Variants in LIPJ observed in about 807,000 individuals in gnomAD.
The protein encoded by LIPJ is lipase member J.
A neutral mutation model predicts 39.8 loss-of-function variants in LIPJ; 33 were observed. That is an observed-to-expected ratio of 0.83 (90% CI 0.63 to 1.11). LIPJ has a LOEUF of 1.11. Ranked by LOEUF, LIPJ falls within the 50% of genes least tolerant of loss-of-function variation. The pLI, the probability that LIPJ is intolerant of heterozygous loss-of-function variation, is 0.00. For missense variants in LIPJ, 422 were observed against 427.9 expected, an observed-to-expected ratio of 0.99 and a Z score of 0.12; for synonymous variants, 128 against 139.2, an observed-to-expected ratio of 0.92 and a Z score of 0.57.
intron 4 of LIPJ, chr10:88,592,785 G>C (rs1293294367): frequency 6.6e-6 from 1 of 151,828 alleles, no homozygotes; most frequent in African/African-American, 2.4e-5. Context: ...GCCATAACTA[G>C]TATTCATAAA....
intron 9 of LIPJ, among the ~76,000 whole-genome samples, chr10:88,603,722 T>A (rs1002931486): frequency 6.6e-6 from 1 of 152,202 alleles, no homozygotes; most frequent in Non-Finnish European, 1.5e-5. Flanking sequence ...GAATGTACAT[T>A]AAAGTTAATA....
the LIPJ span, among the ~76,000 whole-genome samples, chr10:88,619,323 TATAG>T: frequency 6.6e-6 from 1 of 152,090 alleles, no homozygotes; most frequent in African/African-American, 2.4e-5. Flanking sequence ...AGTACATTGG[TATAG>T]ATAGTATCTA....
chr10:88,595,996 C>A (rs59420228), intron 6 of LIPJ, among the ~76,000 whole-genome samples: 3,060 of 151,620 alleles, frequency 0.02, 78 homozygotes, highest in South Asian at 0.085. Flanking sequence ...AATGTTCAAT[C>A]TTGCTCCTAA....
chr10:88,608,751 C>A (rs1234978888), downstream of LIPJ, among the ~76,000 whole-genome samples: 3 of 152,122 alleles, frequency 2.0e-5, no homozygotes, highest in Non-Finnish European at 4.4e-5. Context: ...ACAAATGAGG[C>A]AGGAAAATAG....
the LIPJ span, among the ~76,000 whole-genome samples, chr10:88,613,068 A>T: frequency 6.6e-6 from 1 of 152,156 alleles, no homozygotes; most frequent in Non-Finnish European, 1.5e-5. Context: ...TTCAATATTT[A>T]TGTGGTAATC....
chr10:88,585,628 G>T (rs559354050), upstream of LIPJ: 7 of 151,832 alleles, frequency 4.6e-5, no homozygotes, highest in South Asian at 1.5e-3. Flanking sequence ...CAAGCCATTA[G>T]GTTTTTTTTT....
downstream of LIPJ, among the ~76,000 whole-genome samples, chr10:88,607,592 G>A (rs565358904): frequency 2.2e-4 from 33 of 152,208 alleles, no homozygotes; most frequent in African/African-American, 7.2e-4. Context: ...ATGCACTGTC[G>A]CTTGGTGCAT....
upstream of LIPJ, chr10:88,582,952 C>T: frequency 1.7e-6 from 2 of 1,183,934 alleles, no homozygotes; most frequent in Non-Finnish European, 2.3e-6. Context: ...GCTACACGGC[C>T]GCTCAGGGAG....
upstream of LIPJ, chr10:88,582,971 A>G: frequency 1.5e-6 from 2 of 1,328,408 alleles, no homozygotes; most frequent in South Asian, 1.4e-5. Context: ...AGCTGAGGGT[A>G]TAGCGTTTTC....
the LIPJ span, among the ~76,000 whole-genome samples, chr10:88,621,745 G>A: frequency 2.6e-5 from 4 of 152,152 alleles, no homozygotes; most frequent in Non-Finnish European, 5.9e-5. Flanking sequence ...GGTGGTAAGA[G>A]ACGGCCTCAC....
chr10:88,622,523 G>C, the LIPJ span, among the ~76,000 whole-genome samples: 1 of 152,184 alleles, frequency 6.6e-6, no homozygotes, highest in Non-Finnish European at 1.5e-5. Context: ...TAATTCAGTA[G>C]ATCTCAGGTG....
chr10:88,621,270 TC>T, the LIPJ span, among the ~76,000 whole-genome samples: 1 of 152,150 alleles, frequency 6.6e-6, no homozygotes, highest in African/African-American at 2.4e-5. Context: ...CTAATACATT[TC>T]AACTGGTGAG....
exon 11 of LIPJ, chr10:88,606,858 A>T (rs766660200): frequency 5.6e-6 from 9 of 1,598,344 alleles, no homozygotes; most frequent in Non-Finnish European, 7.7e-6. Flanking sequence ...TTAGATGTCT[A>T]TGATCAAGTT....
chr10:88,606,084 A>G (rs1304131612), intron 10 of LIPJ, among the ~76,000 whole-genome samples: 2 of 152,204 alleles, frequency 1.3e-5, no homozygotes, highest in Non-Finnish European at 2.9e-5. Context: ...ATAAGAAAAC[A>G]TATATAATAA....
intron 6 of LIPJ, among the ~76,000 whole-genome samples, chr10:88,595,211 G>A (rs1278617538): frequency 6.6e-6 from 1 of 151,710 alleles, no homozygotes; most frequent in Non-Finnish European, 1.5e-5. Context: ...ACAAAAATCA[G>A]GAAATTCTTT....
chr10:88,589,540 T>TAA (rs923096148), intron 2 of LIPJ, among the ~76,000 whole-genome samples: 2 of 151,912 alleles, frequency 1.3e-5, no homozygotes, highest in Non-Finnish European at 2.9e-5. Context: ...TTCTGTAAAT[T>TAA]AAAGTTTTCA....
intron 4 of LIPJ, chr10:88,593,267 C>A (rs1207308672): frequency 6.6e-6 from 1 of 151,720 alleles, no homozygotes; most frequent in Non-Finnish European, 1.5e-5. Flanking sequence ...TCTCTGGAGA[C>A]CAGGGCCTCT....
intron 8 of LIPJ, among the ~76,000 whole-genome samples, chr10:88,599,340 C>T (rs909278329): frequency 6.6e-5 from 10 of 151,790 alleles, no homozygotes; most frequent in Non-Finnish European, 1.2e-4. Context: ...AGCTAGTCAC[C>T]ATCCTGTACA....
At chr10:88,613,951 T>A in the LIPJ span, among the ~76,000 whole-genome samples, 1 of 149,968 alleles carries the variant, frequency 6.7e-6, no homozygotes, top group Non-Finnish European at 1.5e-5. Context: ...TTTTTAAAAG[T>A]CAGTTTTACT....
Sources: gnomAD v4.1 joint callset for allele counts (sites outside exome capture counted in the v4.1 genomes callset) on GRCh38, gnomAD v4.1.1 for gene constraint, MANE v1.5 for transcripts, NCBI Gene and HGNC (gene_info 2026-07-23, HGNC 2026-07-21) for gene names.